ZNF138: variants seen among roughly 807,000 people sequenced by gnomAD.
ZNF138 encodes zinc finger protein 138 (clone pHZ-32).
A neutral mutation model predicts 33.0 loss-of-function variants in ZNF138; 33 were observed. That is an observed-to-expected ratio of 1.00 (90% CI 0.76 to 1.34). ZNF138 has a LOEUF of 1.34. Among genes scored for constraint, ZNF138 ranks in the 40% most tolerant of loss-of-function variants. The pLI is 0.00. For synonymous variants in ZNF138, 139 were observed against 120.4 expected (o/e 1.15, Z -1.01); for missense variants, 360 against 370.8 (o/e 0.97, Z 0.24).
rs1156423633 is a variant in ZNF138, at chr7:64,794,504, G to A, written c.-65G>A. The A allele has an allele frequency of 6.2e-7, 1 of 1,609,500 alleles. No homozygotes were observed. On this transcript the variant is annotated 5_prime_UTR_variant, in exon 1 of 4. Coordinates refer to ENST00000307355, the MANE Select transcript of ZNF138 (RefSeq NM_001271639.2). ...TTACTCCTAGAGGCCCAGCCTCTGT[G>A]GCGCTGTGATCTGGTTATTGGGAGA... is the stretch of plus-strand genomic sequence containing the variant.
intron 1 of ZNF138, among the ~76,000 whole-genome samples, chr7:64,807,102 A>G (rs888378089): frequency 1.3e-5 from 2 of 152,262 alleles, no homozygotes; most frequent in Admixed American, 6.5e-5. Flanking sequence ...CCTGCTGCAG[A>G]TAACAAGCCA....
chr7:64,832,470 A>T lies in ZNF138; in HGVS notation c.*268A>T. 7.7e-7 allele frequency: 1 copy of T among 1,306,034 alleles called. No individual in the cohort carries two copies. The highest frequency in any genetic ancestry group is 1.0e-6 in the Non-Finnish European group (1 of 986,946). 80.9% of individuals were successfully genotyped at this position (1,306,034 alleles called of 1,614,324 possible). ...CCGATACTCAATCCTTAGTACACAT[A>T]AGAAAATTCATACTGGGGAGAAACC... On this transcript the variant is annotated 3_prime_UTR_variant, in exon 4 of 4. Coordinates refer to ENST00000307355, the MANE Select transcript of ZNF138 (RefSeq NM_001271639.2).
In ZNF138 at chr7:64,832,578, C is replaced by T; in HGVS notation, c.*376C>T. The T allele has an allele frequency of 1.8e-6, 1 of 560,100 alleles. No individual in the cohort carries two copies. Among genetic ancestry groups the T allele is most frequent in the East Asian group, 5.2e-5 (1 of 19,190 alleles). 34.7% of individuals were successfully genotyped at this position (560,100 alleles called of 1,614,324 possible). ...TAAGATAATTCACAGTGGAGAAAAA[C>T]CCTACAAATGTGAAGAATGTGGCAA... On this transcript the variant is annotated 3_prime_UTR_variant, in exon 4 of 4. Transcript: ENST00000307355.
intron 1 of ZNF138, among the ~76,000 whole-genome samples, chr7:64,800,871 G>A (rs1208787104): frequency 6.6e-6 from 1 of 151,996 alleles, no homozygotes; most frequent in African/African-American, 2.4e-5. Context: ...GTTTGTTATT[G>A]TTCTATTCAG....
chr7:64,813,386 A>T (rs966676407), intron 1 of ZNF138, among the ~76,000 whole-genome samples: 11 of 152,012 alleles, frequency 7.2e-5, no homozygotes, highest in African/African-American at 2.7e-4. Flanking sequence ...AATCACTATT[A>T]GAAATTACAG....
At chr7:64,805,860 A>G (rs908603846) in intron 1 of ZNF138, among the ~76,000 whole-genome samples, 2 of 152,232 alleles carry the variant, frequency 1.3e-5, no homozygotes, top group African/African-American at 4.8e-5. Flanking sequence ...ATTAACACAC[A>G]TGGATGGCCT....
intron 1 of ZNF138, among the ~76,000 whole-genome samples, chr7:64,813,771 T>C (rs149935295): frequency 6.6e-6 from 1 of 152,136 alleles, no homozygotes; most frequent in East Asian, 1.9e-4. Context: ...AGACTACAAT[T>C]TACTTTTGGG....
Position 64,831,844 on chromosome 7 carries a change from G to C in ZNF138, c.602G>C (p.Gly201Ala), listed in dbSNP as rs1170184391. The change falls in exon 4 of 4, where the codon GGA (glycine) becomes GCA (alanine). Residue 201 changes from glycine (G) to alanine (A), a missense_variant. Physicochemically the swap from Gly to Ala is moderately conservative, Grantham distance 60. Transcript: ENST00000307355. ...AATTTCTACAAATGTGAAGAGTGTG[G>C]AAAAACCTTTAACTGGTCCACAAAC... is the stretch of plus-strand genomic sequence containing the variant. ...RENFYKCEEC[G>A]KTFNWSTNLS... The C allele has an allele frequency of 6.2e-7, 1 of 1,613,800 alleles. No homozygotes were observed. Among genetic ancestry groups the C allele is most frequent in the Admixed American group, 1.7e-5 (1 of 59,998 alleles).
chr7:64,837,146 G>C (rs934222293), downstream of ZNF138, among the ~76,000 whole-genome samples: 2 of 152,142 alleles, frequency 1.3e-5, no homozygotes, highest in Non-Finnish European at 2.9e-5. Context: ...AAGAGTTTCA[G>C]TTTGGTTGGG....
intron 3 of ZNF138, among the ~76,000 whole-genome samples, chr7:64,825,700 T>C (rs1462990637): frequency 1.3e-5 from 2 of 151,774 alleles, no homozygotes; most frequent in Admixed American, 6.6e-5. Flanking sequence ...CTGCCATGCC[T>C]AGCTAATTTT....
At chr7:64,859,934 T>C in the ZNF138 span, among the ~76,000 whole-genome samples, 2 of 152,174 alleles carry the variant, frequency 1.3e-5, no homozygotes, top group South Asian at 4.1e-4. Flanking sequence ...GTCAAGAGTT[T>C]GAGACCAGCC....
intron 3 of ZNF138, among the ~76,000 whole-genome samples, chr7:64,827,909 AC>A (rs1789769994): frequency 6.6e-6 from 1 of 152,144 alleles, no homozygotes; most frequent in African/African-American, 2.4e-5. Flanking sequence ...TTATCTCTGT[AC>A]AATTTAAGAC....
At chr7:64,807,383 A>G (rs1288978684) in intron 1 of ZNF138, among the ~76,000 whole-genome samples, 3 of 152,220 alleles carry the variant, frequency 2.0e-5, no homozygotes, top group Non-Finnish European at 4.4e-5. Flanking sequence ...CAAAGCGCAG[A>G]TTTCAGGCAA....
the ZNF138 span, among the ~76,000 whole-genome samples, chr7:64,844,934 C>G: frequency 1.3e-5 from 2 of 152,222 alleles, no homozygotes; most frequent in African/African-American, 2.4e-5. Flanking sequence ...ATCTGCCCGC[C>G]TCGGCCTCCC....
At chr7:64,830,721 A>G (rs1790013739) in intron 3 of ZNF138, among the ~76,000 whole-genome samples, 1 of 152,114 alleles carries the variant, frequency 6.6e-6, no homozygotes, top group Non-Finnish European at 1.5e-5. Context: ...TCTTCAATTG[A>G]AATTTGAACA....
downstream of ZNF138, chr7:64,836,298 G>A (rs1215918499): frequency 1.3e-5 from 2 of 152,216 alleles, no homozygotes; most frequent in Admixed American, 6.5e-5. Context: ...AGTGGGAGAG[G>A]TTTTGTACCC....
At chr7:64,794,652 G>C (rs1050167580) in intron 1 of ZNF138, 81 bp downstream of exon 1, 1 of 1,597,422 alleles carries the variant, frequency 6.3e-7, no homozygotes, top group East Asian at 2.2e-5. Flanking sequence ...GGCAGTACTC[G>C]GGTCTTCCCG....
chr7:64,828,180 T>TG (rs994572857), intron 3 of ZNF138, among the ~76,000 whole-genome samples: 5 of 5,206 alleles, frequency 9.6e-4, no homozygotes, highest in Non-Finnish European at 8.3e-3. Context: ...ATCATAATTC[T>TG]GGTTTTTTTT....
At position 64,828,575 on chromosome 7, in the gene ZNF138, T is replaced by C. The variant is rs74449601; in HGVS notation, c.209-2876T>C. ...TTTGTTGACCGAAATTTGCATTGCT[T>C]TTACCTATTGGCTTTCACTAACAAT... is the stretch of plus-strand genomic sequence containing the variant. On this transcript the variant is annotated intron_variant, in intron 3 of 3. Transcript: ENST00000307355. Among the ~76,000 whole-genome samples, 977 of 152,266 alleles carry C rather than the reference T, an allele frequency of 6.4e-3. 6 individuals carry two copies. Among genetic ancestry groups the C allele is most frequent in the Middle Eastern group, 0.01 (3 of 294 alleles).
Sources: allele counts gnomAD v4.1 joint callset (sites outside exome capture counted in the v4.1 genomes callset), GRCh38; gene constraint gnomAD v4.1.1; transcripts MANE v1.5; gene names NCBI Gene and HGNC (gene_info 2026-07-23, HGNC 2026-07-21).